The following GCNT3 variants were observed in gnomAD, a reference collection of about 807,000 sequenced individuals.
The protein encoded by GCNT3 is beta-1,3-galactosyl-O-glycosyl-glycoprotein beta-1,6-N-acetylglucosaminyltransferase 3.
For missense variants in GCNT3, 708 were observed against 530.3 expected, an observed-to-expected ratio of 1.34 and a Z score of -3.29; for synonymous variants, 269 against 195.2, an observed-to-expected ratio of 1.38 and a Z score of -3.15.
chr15:59,619,334 T>C lies in GCNT3; in HGVS notation c.1096T>C (p.Trp366Arg). The change falls in exon 3 of 3, where the codon TGG (tryptophan) becomes CGG (arginine). Residue 366 changes from tryptophan (W) to arginine (R), a missense_variant. Trp to Arg is a moderately radical substitution (Grantham distance 101). Transcript: ENST00000396065. ...DMTSIARLVK[W>R]QGHEGDIDKG... ...GACTTCTATTGCCAGGCTGGTCAAGTGGCAGGGTCATGAGGGAGACATCGA... is the reference window on the plus strand; with the variant it reads ...GACTTCTATTGCCAGGCTGGTCAAGCGGCAGGGTCATGAGGGAGACATCGA... 6.2e-7 allele frequency: 1 copy of C among 1,614,092 alleles called. No individual in the cohort carries two copies.
At chr15:59,615,964 G>T (rs1342483299) in intron 1 of GCNT3, among the ~76,000 whole-genome samples, 2 of 152,208 alleles carry the variant, frequency 1.3e-5, no homozygotes, top group Non-Finnish European at 2.9e-5. Flanking sequence ...TGGGGGCCGG[G>T]TTGGGGAGAA....
chr15:59,617,861 G>C (rs939407966), intron 2 of GCNT3: 1 of 163,076 alleles, frequency 6.1e-6, no homozygotes, highest in Non-Finnish European at 1.3e-5. Flanking sequence ...GGGTGGTAAG[G>C]CATGAGAAGA....
At chr15:59,612,872 C>A (rs532316137) in intron 1 of GCNT3, among the ~76,000 whole-genome samples, 1 of 152,088 alleles carries the variant, frequency 6.6e-6, no homozygotes, top group South Asian at 2.1e-4. Context: ...TGACAACTTA[C>A]AATAGAGTCT....
chr15:59,615,152 G>T (rs1242943273), intron 1 of GCNT3: 1 of 152,228 alleles, frequency 6.6e-6, no homozygotes, highest in African/African-American at 2.4e-5. Flanking sequence ...GCACTGGAGG[G>T]AGACAGCCGG....
Position 59,619,066 on chromosome 15 carries a change from ACAC to A in GCNT3, c.830_832del (p.His277del). On this transcript the variant is annotated inframe_deletion, in exon 3 of 3. Coordinates refer to ENST00000396065, the MANE Select transcript of GCNT3 (RefSeq NM_004751.3). ...ACTTTGAGGTAGTGAGAGACACATT[ACAC>A]CTAACCAACAAGAAGAAGGATCCTC... 1 of 1,614,118 alleles carries A rather than the reference ACAC, an allele frequency of 6.2e-7. No homozygotes were observed. Among genetic ancestry groups the A allele is most frequent in the Non-Finnish European group, 8.5e-7 (1 of 1,179,962 alleles).
intron 1 of GCNT3, among the ~76,000 whole-genome samples, chr15:59,614,283 A>G (rs1380503445): frequency 6.6e-6 from 1 of 152,208 alleles, no homozygotes; most frequent in African/African-American, 2.4e-5. Context: ...CCTGTGGAGC[A>G]GGGCCCACGT....
intron 1 of GCNT3, among the ~76,000 whole-genome samples, chr15:59,614,070 G>A (rs1043609041): frequency 1.3e-5 from 2 of 152,144 alleles, no homozygotes; most frequent in Non-Finnish European, 2.9e-5. Flanking sequence ...GTCTCTTACT[G>A]AGGGAATCTA....
In GCNT3 at chr15:59,618,540, C is replaced by T. The variant is rs150595420; in HGVS notation, c.302C>T (p.Thr101Ile). The change falls in exon 3 of 3, where the codon ACC (threonine) becomes ATC (isoleucine). Residue 101 changes from threonine (T) to isoleucine (I), a missense_variant. Physicochemically the swap from Thr to Ile is moderately conservative, Grantham distance 89. Transcript: ENST00000396065. The part of the protein sequence containing the change: ...VKKKREPFTD[T>I]HYLSLTRDCE... ...AAGAAGCGAGAGCCTTTCACAGACA[C>T]CCACTACCTCTCCCTCACCAGAGAC... 7 of 1,614,174 alleles carry T rather than the reference C, an allele frequency of 4.3e-6. No individual in the cohort carries two copies. The highest frequency in any genetic ancestry group is 5.9e-6 in the Non-Finnish European group (7 of 1,180,032).
rs770716949 is a variant in GCNT3, at chr15:59,620,801, A to G, written c.*1246A>G. 2 of 166,524 alleles carry G rather than the reference A, an allele frequency of 1.2e-5. No homozygotes were observed. Among genetic ancestry groups the G allele is most frequent in the Non-Finnish European group, 2.9e-5 (2 of 68,072 alleles). 10.3% of individuals were successfully genotyped at this position (166,524 alleles called of 1,614,324 possible). ...TTAATAATTGTATTGAGAAATAAAA[A>G]TAAACTAGGACTATTCAGTTAAACC... On this transcript the variant is annotated 3_prime_UTR_variant, in exon 3 of 3. Transcript: ENST00000396065.
At chr15:59,613,706 G>A (rs1163577957) in intron 1 of GCNT3, among the ~76,000 whole-genome samples, 1 of 152,010 alleles carries the variant, frequency 6.6e-6, no homozygotes, top group Admixed American at 6.6e-5. Flanking sequence ...AATCTGGGCT[G>A]TACAGCCAGA....
chr15:59,616,808 C>T lies in GCNT3; in HGVS notation c.-134C>T, dbSNP rs1037600220. The T allele has an allele frequency of 1.1e-4, 17 of 152,192 alleles. No individual in the cohort carries two copies. The highest frequency in any genetic ancestry group is 2.9e-4 in the African/African-American group (12 of 41,442). 9.4% of individuals were successfully genotyped at this position (152,192 alleles called of 1,614,324 possible). ...GTTCACATTTGCTGCCACGGAACAC[C>T]GCCAGTCTTCACTTGGAAACAGAAT... On this transcript the variant is annotated 5_prime_UTR_variant, in exon 2 of 3. Transcript: ENST00000396065.
At chr15:59,616,922 T>G (rs1422268743) in intron 2 of GCNT3, 41 bp downstream of exon 2, 1 of 152,092 alleles carries the variant, frequency 6.6e-6, no homozygotes, top group East Asian at 1.9e-4. Flanking sequence ...TCCTCTTAGA[T>G]TCCCATAAAA....
chr15:59,615,359 C>G lies in GCNT3; in HGVS notation c.-250-1333C>G, dbSNP rs542204391. On this transcript the variant is annotated intron_variant, in intron 1 of 2. Transcript: ENST00000396065. Reference sequence around the variant, plus strand: ...AGCCCAGAGGGCCCTCCTGTGAGCTCAGAGACCTCAGCATTTGTTGAGTGG... The same window carrying G: ...AGCCCAGAGGGCCCTCCTGTGAGCTGAGAGACCTCAGCATTTGTTGAGTGG... Among the ~76,000 whole-genome samples the G allele has an allele frequency of 7.2e-5, 11 of 152,276 alleles. No individual in the cohort carries two copies. The East Asian group carries it at 1.5e-3, about 21-fold the overall frequency.
At chr15:59,614,180 G>A (rs547551390) in intron 1 of GCNT3, among the ~76,000 whole-genome samples, 1 of 152,274 alleles carries the variant, frequency 6.6e-6, no homozygotes, top group South Asian at 2.1e-4. Flanking sequence ...TTAGAATACT[G>A]AAGCAAGTGC....
chr15:59,612,834 G>C (rs1462583320), intron 1 of GCNT3, among the ~76,000 whole-genome samples: 1 of 152,040 alleles, frequency 6.6e-6, no homozygotes, highest in African/African-American at 2.4e-5. Context: ...GCTCATCCCT[G>C]GTCTTATTCT....
rs1416166796 is a variant in GCNT3 at position 59,619,802 on chromosome 15, A to T, written c.*247A>T. On this transcript the variant is annotated 3_prime_UTR_variant, in exon 3 of 3. Transcript: ENST00000396065. ...TCCACTAACTTTCTCACTAAGTGAG[A>T]ATGAGAACTGCTGTGATAGGGAGAG... 1 of 393,208 alleles carries T rather than the reference A, an allele frequency of 2.5e-6. No homozygotes were observed. The highest frequency in any genetic ancestry group is 4.9e-6 in the Non-Finnish European group (1 of 205,620). 24.4% of individuals were successfully genotyped at this position (393,208 alleles called of 1,614,324 possible).
At chr15:59,614,802 C>T (rs144807341) in intron 1 of GCNT3, among the ~76,000 whole-genome samples, 2 of 152,318 alleles carry the variant, frequency 1.3e-5, no homozygotes, top group Non-Finnish European at 2.9e-5. Context: ...CAGTAGGTCT[C>T]AGCCTCATTT....
intron 2 of GCNT3, 175 bp from the exon 3 acceptor site, chr15:59,618,004 T>G (rs776835279): frequency 2.8e-6 from 1 of 357,992 alleles, no homozygotes; most frequent in East Asian, 4.4e-5. Flanking sequence ...TCGGCTAGTT[T>G]GTAGGGTCAG....
rs574348035 is a variant in GCNT3 at position 59,621,409 on chromosome 15, C to T, written c.*1854C>T. ...TGGTTGTTGGCTAAGTTATACTCTT[C>T]TGTGATGGGCAAGGGATACTATAAA... On this transcript the variant is annotated 3_prime_UTR_variant, in exon 3 of 3. Transcript: ENST00000396065. The T allele has an allele frequency of 6.6e-6, 1 of 151,786 alleles. No homozygotes were observed. Among genetic ancestry groups the T allele is most frequent in the Non-Finnish European group, 1.5e-5 (1 of 67,942 alleles). The allele number at this position is 151,786 out of a possible 1,614,324, so 9.4% of individuals were successfully genotyped here.
Sources: gnomAD v4.1 joint callset for allele counts (sites outside exome capture counted in the v4.1 genomes callset) on GRCh38, gnomAD v4.1.1 for gene constraint, MANE v1.5 for transcripts, NCBI Gene and HGNC (gene_info 2026-07-23, HGNC 2026-07-21) for gene names.